Variants in PLXNB2 observed in about 807,000 individuals in gnomAD.
PLXNB2 encodes the protein plexin B2, also known as plexin-B2.
In PLXNB2, 85 loss-of-function variants were observed where a neutral mutation model predicts 202.6. The observed-to-expected ratio is 0.42, with a 90% CI of 0.35 to 0.50. PLXNB2 has a LOEUF of 0.50. Ranked by LOEUF, PLXNB2 falls within the 20% of genes least tolerant of loss-of-function variation. The probability of loss-of-function intolerance (pLI) is 0.02; values close to 1 mark genes in which losing one functional copy is unlikely to be tolerated. For missense variants in PLXNB2, 2,063 were observed against 2,586.2 expected (o/e 0.80, Z 4.39); for synonymous variants, 1,239 against 1,137.6 (o/e 1.09, Z -1.79).
intron 1 of PLXNB2, among the ~76,000 whole-genome samples, chr22:50,307,115 C>A (rs1001363646): frequency 6.6e-6 from 1 of 152,124 alleles, no homozygotes; most frequent in Admixed American, 6.5e-5. Flanking sequence ...TCCCCCCGCG[C>A]CAAGCAGGCC....
chr22:50,288,687 T>G lies in PLXNB2; in HGVS notation c.1380+56A>C. The G allele has an allele frequency of 1.2e-6, 2 of 1,601,746 alleles. No homozygotes were observed. The highest frequency in any genetic ancestry group is 4.5e-5 in the East Asian group (2 of 44,752). ...CCAGGCCTGTCCTAAGGGCCTGGGA[T>G]GCAATGACCGGGCACACTTGGCCTA... On this transcript the variant is annotated intron_variant, in intron 5 of 36. Transcript: ENST00000359337. The surrounding 1 kb of genome is among the most constrained non-coding windows in gnomAD (Gnocchi z 5.0).
At chr22:50,280,289 C>G (rs2065895589) in intron 25 of PLXNB2, among the ~76,000 whole-genome samples, 200 bp downstream of exon 25, 1 of 152,204 alleles carries the variant, frequency 6.6e-6, no homozygotes. Context: ...CCAGCTGAAA[C>G]CGCTGGACAG....
At chr22:50,306,286 G>A (rs1161972075) in intron 1 of PLXNB2, among the ~76,000 whole-genome samples, 1 of 152,202 alleles carries the variant, frequency 6.6e-6, no homozygotes, top group Non-Finnish European at 1.5e-5. Context: ...GGACTCAGAT[G>A]TGCCAGGCCC....
intron 1 of PLXNB2, among the ~76,000 whole-genome samples, chr22:50,306,487 C>T (rs980527354): frequency 2.6e-5 from 4 of 152,238 alleles, no homozygotes; most frequent in Non-Finnish European, 4.4e-5. Flanking sequence ...AGGCTGAGAG[C>T]CCCCACTTCC....
At chr22:50,287,615 C>T in intron 7 of PLXNB2, 52 bp downstream of exon 7, 1 of 1,491,066 alleles carries the variant, frequency 6.7e-7, no homozygotes, top group Non-Finnish European at 9.0e-7. Flanking sequence ...GGGGGAGCCC[C>T]CACCTGGCCC....
In PLXNB2 at chr22:50,294,403, C is replaced by T. The variant is rs548949166; in HGVS notation, c.-14+316G>A. The stretch of plus-strand genomic sequence containing the variant: ...AGGCACCCCCCCACCACACCCCCAA[C>T]GCTCCAATTCCCAGCCCTGATGTCC... On this transcript the variant is annotated intron_variant, in intron 2 of 36. Coordinates refer to ENST00000359337, the MANE Select transcript of PLXNB2 (RefSeq NM_012401.4). 1.1e-3 allele frequency among the ~76,000 whole-genome samples: 170 copies of T among 151,298 alleles called. 1 individual carries two copies. The highest frequency in any genetic ancestry group is 3.7e-3 in the African/African-American group (151 of 40,954).
At chr22:50,280,464 C>A (rs187855623) in intron 25 of PLXNB2, 25 bp downstream of exon 25, 4 of 1,577,700 alleles carry the variant, frequency 2.5e-6, no homozygotes, top group Non-Finnish European at 2.6e-6. Context: ...CCCGTGGCCC[C>A]GCTCGTGGCC....
intron 2 of PLXNB2, among the ~76,000 whole-genome samples, chr22:50,293,664 T>C (rs2067054063): frequency 6.6e-6 from 1 of 152,188 alleles, no homozygotes. Flanking sequence ...TCCCCTCGGA[T>C]CTGGCCCGGA....
Position 50,284,068 on chromosome 22 carries a change from CCCCA to C in PLXNB2, c.2263+60_2263+63del, listed in dbSNP as rs2066231516. ...TGCTCCCCACTGCGCCCACCTGTCC[CCCCA>C]CCCACCGCCTTGTGCCCACCCGTCC... On this transcript the variant is annotated intron_variant, in intron 13 of 36. Coordinates refer to ENST00000359337, the MANE Select transcript of PLXNB2 (RefSeq NM_012401.4). The surrounding 1 kb of genome is among the most constrained non-coding windows in gnomAD (Gnocchi z 8.0). The C allele has an allele frequency of 6.5e-7, 1 of 1,533,132 alleles. No homozygotes were observed. Among genetic ancestry groups the C allele is most frequent in the African/African-American group, 1.4e-5 (1 of 73,380 alleles). 95.0% of individuals were successfully genotyped at this position (1,533,132 alleles called of 1,614,324 possible). A position where few individuals can be genotyped will look rare whatever the true frequency, so the allele number is the denominator to read the frequency against.
chr22:50,283,551 G>T (rs747634555), intron 15 of PLXNB2, 51 bp downstream of exon 15: 1 of 1,129,300 alleles, frequency 8.9e-7, no homozygotes, highest in Non-Finnish European at 1.2e-6. Context: ...CGGAACCCCA[G>T]CGTGGGTACT....
Position 50,297,232 on chromosome 22 carries a change from C to T in PLXNB2, c.-73-2454G>A, listed in dbSNP as rs1042930637. On this transcript the variant is annotated intron_variant, in intron 1 of 36. Transcript: ENST00000359337. The surrounding 1 kb of genome is among the most constrained non-coding windows in gnomAD (Gnocchi z 5.3). ...CCACACCGGCCTGTGTGCCCCATGC[C>T]CACTCCCTGCAGCACACCCCCAGGC... Among the ~76,000 whole-genome samples, 2 of 152,136 alleles carry T rather than the reference C, an allele frequency of 1.3e-5. No homozygotes were observed. The highest frequency in any genetic ancestry group is 2.9e-5 in the Non-Finnish European group (2 of 68,008).
intron 25 of PLXNB2, 74 bp from the exon 26 acceptor site, chr22:50,280,145 C>T: frequency 7.9e-7 from 1 of 1,271,118 alleles, no homozygotes. Flanking sequence ...CTCCAAGCAC[C>T]CGGCCACCCT....
rs142665281 is a variant in PLXNB2 at position 50,285,077 on chromosome 22, A to G, written c.2089-412T>C. Reference sequence around the variant, plus strand: ...GCCTCCTGGCCTCTGTCCCCGATAAATCCTGTGCCCTCTACCTCATGTGGG... The same window carrying G: ...GCCTCCTGGCCTCTGTCCCCGATAAGTCCTGTGCCCTCTACCTCATGTGGG... On this transcript the variant is annotated intron_variant, in intron 11 of 36. Coordinates refer to ENST00000359337, the MANE Select transcript of PLXNB2 (RefSeq NM_012401.4). Among the ~76,000 whole-genome samples the G allele has an allele frequency of 6.9e-4, 105 of 152,068 alleles. 1 individual carries two copies. The highest frequency in any genetic ancestry group is 2.2e-3 in the African/African-American group (92 of 41,446).
At position 50,281,528 on chromosome 22, in the gene PLXNB2, C is replaced by A. The variant is rs1343190880; in HGVS notation, c.3523-29G>T. ...TGTGGGGGGCCGGGTTCAGCGCGGT[C>A]CCGTGGGGGCACCCCCCGCCAGTCC... On this transcript the variant is annotated intron_variant, in intron 21 of 36. Transcript: ENST00000359337. 7 of 1,606,962 alleles carry A rather than the reference C, an allele frequency of 4.4e-6. No homozygotes were observed. The Admixed American group carries it at 1.2e-4, about 27-fold the overall frequency.
At chr22:50,290,709 C>G in intron 2 of PLXNB2, 112 bp from the exon 3 acceptor site, 2 of 1,182,850 alleles carry the variant, frequency 1.7e-6, no homozygotes, top group Non-Finnish European at 2.3e-6. Flanking sequence ...TCACGCCACT[C>G]CACGAACTGA....
Position 50,278,679 on chromosome 22 carries a change from T to C in PLXNB2, c.4564A>G (p.Thr1522Ala), listed in dbSNP as rs1397852647. The change falls in exon 29 of 37, where the codon ACA becomes GCA. Residue 1522 changes from threonine (T) to alanine (A), a missense_variant. By Grantham distance (58) the Thr-to-Ala change is moderately conservative. Transcript: ENST00000359337. ...TCCAGGTCCGACAGGATCTGCGCTG[T>C]GGAGCCCGGACGCCACTCTGTGGGA... ...SVVLEWRPGS[T>A]AQILSDLDLT... The C allele has an allele frequency of 6.2e-7, 1 of 1,611,850 alleles. No homozygotes were observed. Among genetic ancestry groups the C allele is most frequent in the Middle Eastern group, 1.7e-4 (1 of 6,054 alleles).
chr22:50,305,055 G>C (rs545571204), intron 1 of PLXNB2, among the ~76,000 whole-genome samples: 16 of 152,354 alleles, frequency 1.1e-4, no homozygotes, highest in Admixed American at 4.6e-4. Flanking sequence ...CAGAGGCCTG[G>C]CATCCAAGTG....
rs750461937 is a variant in PLXNB2, at chr22:50,306,613, C to CG, written c.-74+939dup. The stretch of plus-strand genomic sequence containing the variant: ...GAAGTCAGACATTAAGTGGGGAGGG[C>CG]GGGGGGGTCCAGGGAAGGTGGGGCA... On this transcript the variant is annotated intron_variant, in intron 1 of 36. Transcript: ENST00000359337. 7.1e-4 allele frequency among the ~76,000 whole-genome samples: 25 copies of CG among 35,166 alleles called. No individual in the cohort carries two copies. The East Asian group carries it at 1.0e-2, about 14-fold the overall frequency. 23.1% of individuals were successfully genotyped at this position (35,166 alleles called of 152,430 possible).
intron 1 of PLXNB2, among the ~76,000 whole-genome samples, chr22:50,303,872 C>T (rs958088090): frequency 2.0e-5 from 3 of 152,194 alleles, no homozygotes; most frequent in African/African-American, 7.2e-5. Context: ...ACTCAGCTGG[C>T]ACTGGAATGA....
Sources: allele counts gnomAD v4.1 joint callset (sites outside exome capture counted in the v4.1 genomes callset), GRCh38; gene constraint gnomAD v4.1.1; non-coding constraint Gnocchi (gnomAD v3.1); transcripts MANE v1.5; gene names NCBI Gene and HGNC (gene_info 2026-07-23, HGNC 2026-07-21).